Variants in CDH13 observed in about 807,000 individuals in gnomAD.
CDH13 encodes cadherin-13.
A neutral mutation model predicts 63.8 loss-of-function variants in CDH13; 24 were observed. The ratio of observed to expected loss-of-function variants is 0.38; its 90% CI spans 0.27 to 0.53. CDH13 has a LOEUF of 0.53. Ranked by LOEUF, CDH13 falls within the 20% of genes least tolerant of loss-of-function variation. The pLI is 0.85. For synonymous variants in CDH13, 503 were observed against 355.3 expected (o/e 1.42, Z -4.67); for missense variants, 1,049 against 903.1 (o/e 1.16, Z -2.07).
chr16:83,675,208 G>A (rs1914854647), intron 9 of CDH13, among the ~76,000 whole-genome samples: 1 of 152,162 alleles, frequency 6.6e-6, no homozygotes, highest in African/African-American at 2.4e-5. Flanking sequence ...AGATCTTGGA[G>A]GGCTTCTTAA....
At chr16:83,426,378 C>A (rs559930905) in intron 6 of CDH13, among the ~76,000 whole-genome samples, 11 of 152,264 alleles carry the variant, frequency 7.2e-5, no homozygotes, top group African/African-American at 2.6e-4. Context: ...ACTCATAAGA[C>A]TAAACTCTAG....
chr16:82,650,285 A>T (rs752790541), intron 1 of CDH13, among the ~76,000 whole-genome samples: 1 of 152,220 alleles, frequency 6.6e-6, no homozygotes, highest in East Asian at 1.9e-4. Flanking sequence ...TGTTCAATAA[A>T]GCAGAGTTAG....
chr16:83,115,909 G>A (rs1300603164), intron 3 of CDH13, among the ~76,000 whole-genome samples: 1 of 152,218 alleles, frequency 6.6e-6, no homozygotes, highest in African/African-American at 2.4e-5. Flanking sequence ...TCTGGACACT[G>A]TTTGTCTGTT....
intron 6 of CDH13, among the ~76,000 whole-genome samples, chr16:83,442,373 A>G (rs1180093664): frequency 6.6e-6 from 1 of 152,172 alleles, no homozygotes; most frequent in Non-Finnish European, 1.5e-5. Flanking sequence ...ATGAGCAGCT[A>G]TTCCAAAGCT....
rs146419741 is a variant in CDH13, at chr16:83,133,310, C to A, written c.483+7809C>A. On this transcript the variant is annotated intron_variant, in intron 4 of 13. Coordinates refer to ENST00000567109, the MANE Select transcript of CDH13 (RefSeq NM_001257.5). Reference sequence around the variant, plus strand: ...ATTTCAAAAGCTTATCACACGAACACAAAAAGAATGGAAAATGTCTCCTTA... The same window carrying A: ...ATTTCAAAAGCTTATCACACGAACAAAAAAAGAATGGAAAATGTCTCCTTA... Among the ~76,000 whole-genome samples, 202 of 152,242 alleles carry A rather than the reference C, an allele frequency of 1.3e-3. 1 individual carries two copies. The highest frequency in any genetic ancestry group is 4.6e-3 in the African/African-American group (193 of 41,552).
chr16:82,650,072 C>T (rs1379772347), intron 1 of CDH13, among the ~76,000 whole-genome samples: 2 of 152,164 alleles, frequency 1.3e-5, no homozygotes, highest in African/African-American at 4.8e-5. Flanking sequence ...AAAGAATGTT[C>T]TCTGAGAAAG....
chr16:83,732,541 C>T (rs537533954), intron 10 of CDH13, among the ~76,000 whole-genome samples: 6 of 152,248 alleles, frequency 3.9e-5, no homozygotes, highest in South Asian at 2.1e-4. Flanking sequence ...ATAGAGGACC[C>T]GGAAACTGTA....
chr16:82,860,390 G>GGT (rs1567608726), intron 2 of CDH13, among the ~76,000 whole-genome samples: 3 of 77,114 alleles, frequency 3.9e-5, no homozygotes, highest in Non-Finnish European at 8.0e-5. Context: ...TGTGTGTGTG[G>GGT]GGGGGGGGGC....
rs114720568 is a variant in CDH13 at position 83,404,094 on chromosome 16, C to G, written c.781+59088C>G. 1.9e-3 allele frequency among the ~76,000 whole-genome samples: 283 copies of G among 152,314 alleles called. 1 individual carries two copies. The highest frequency in any genetic ancestry group is 6.6e-3 in the African/African-American group (275 of 41,578). ...AAAAATCCCACAAAAAATGTTCATA[C>G]AAGGAGTCAGGCTCTTGGCTCAGAA... is the stretch of plus-strand genomic sequence containing the variant. On this transcript the variant is annotated intron_variant, in intron 6 of 13. Coordinates refer to ENST00000567109, the MANE Select transcript of CDH13 (RefSeq NM_001257.5).
intron 8 of CDH13, among the ~76,000 whole-genome samples, chr16:83,634,230 C>A (rs985441567): frequency 2.6e-5 from 4 of 151,706 alleles, no homozygotes. Context: ...AGGACAGCTG[C>A]ATGGTCACAG....
At chr16:82,913,715 G>A (rs1212348062) in intron 2 of CDH13, among the ~76,000 whole-genome samples, 1 of 152,028 alleles carries the variant, frequency 6.6e-6, no homozygotes, top group Non-Finnish European at 1.5e-5. Context: ...GTCTGCGTGT[G>A]GGTACCCCAT....
At chr16:83,076,437 G>A (rs1360913963) in intron 3 of CDH13, among the ~76,000 whole-genome samples, 2 of 152,114 alleles carry the variant, frequency 1.3e-5, no homozygotes, top group East Asian at 3.9e-4. Flanking sequence ...AAAGATCCTT[G>A]CATGGCATTA....
intron 1 of CDH13, chr16:82,637,850 C>G (rs1357881141): frequency 6.6e-6 from 1 of 152,170 alleles, no homozygotes; most frequent in Non-Finnish European, 1.5e-5. Flanking sequence ...GTGGGCGAGT[C>G]CACCTGGGGC....
chr16:83,152,267 T>C (rs2037014909), intron 4 of CDH13, among the ~76,000 whole-genome samples: 1 of 152,146 alleles, frequency 6.6e-6, no homozygotes. Context: ...ACCTAAATGA[T>C]CCACGACAAG....
intron 2 of CDH13, among the ~76,000 whole-genome samples, chr16:83,005,465 AC>A (rs1913391518): frequency 6.6e-6 from 1 of 151,856 alleles, no homozygotes; most frequent in Non-Finnish European, 1.5e-5. Flanking sequence ...CCCCGCCCCC[AC>A]CACTGAGCTA....
intron 7 of CDH13, among the ~76,000 whole-genome samples, chr16:83,525,336 C>G (rs2074937380): frequency 6.6e-6 from 1 of 152,224 alleles, no homozygotes; most frequent in African/African-American, 2.4e-5. Flanking sequence ...ACCTTCTGGA[C>G]AACAACGTAA....
chr16:83,013,773 G>A lies in CDH13; in HGVS notation c.158-18237G>A, dbSNP rs148164242. ...TGTTTGTCAAGCTCTGTGCTAGTGC[G>A]AGAGATACAAGGGTTGCTGGGATGG... is the stretch of plus-strand genomic sequence containing the variant. On this transcript the variant is annotated intron_variant, in intron 2 of 13. Coordinates refer to ENST00000567109, the MANE Select transcript of CDH13 (RefSeq NM_001257.5). 4.0e-3 allele frequency among the ~76,000 whole-genome samples: 607 copies of A among 152,250 alleles called. 3 individuals carry two copies. The highest frequency in any genetic ancestry group is 0.034 in the Middle Eastern group (10 of 294).
At chr16:83,553,361 A>G (rs1240348833) in intron 7 of CDH13, among the ~76,000 whole-genome samples, 1 of 152,224 alleles carries the variant, frequency 6.6e-6, no homozygotes, top group African/African-American at 2.4e-5. Context: ...TAAAATTCAC[A>G]TCTGTAATCC....
intron 6 of CDH13, among the ~76,000 whole-genome samples, chr16:83,379,938 T>TATATATATAGAGAGAGAGAGAGAGAGAG: frequency 2.7e-4 from 33 of 123,450 alleles, no homozygotes; most frequent in African/African-American, 8.5e-4. Flanking sequence ...TATATATATA[T>TATATATATAGAGAGAGAGAGAGAGAGAG]AGAGAGAGAG....
Sources: allele counts gnomAD v4.1 joint callset (sites outside exome capture counted in the v4.1 genomes callset), GRCh38; gene constraint gnomAD v4.1.1; transcripts MANE v1.5; gene names NCBI Gene and HGNC (gene_info 2026-07-23, HGNC 2026-07-21).